PRKCE: variants seen among roughly 807,000 people sequenced by gnomAD.
PRKCE encodes protein kinase C epsilon type.
Under a neutral mutation model 85.4 loss-of-function variants are expected in PRKCE, and 16 were observed. The ratio of observed to expected loss-of-function variants is 0.19; its 90% CI spans 0.13 to 0.28. PRKCE has a LOEUF of 0.28. Among genes scored for constraint, PRKCE ranks in the 10% least tolerant of loss-of-function variants. The pLI, the probability that PRKCE is intolerant of heterozygous loss-of-function variation, is 1.00. For synonymous variants in PRKCE, 388 were observed against 371.5 expected, an observed-to-expected ratio of 1.04 and a Z score of -0.51; for missense variants, 573 against 975.2, an observed-to-expected ratio of 0.59 and a Z score of 5.49.
At chr2:45,919,580 C>A (rs1698098527) in intron 2 of PRKCE, among the ~76,000 whole-genome samples, 1 of 152,158 alleles carries the variant, frequency 6.6e-6, no homozygotes, top group South Asian at 2.1e-4. Flanking sequence ...CTGTTTGGCT[C>A]ACATTTAGAG....
rs61018073 is a variant in PRKCE, at chr2:46,153,734, T to G, written c.1920+2505T>G. On this transcript the variant is annotated intron_variant, in intron 13 of 14. Coordinates refer to ENST00000306156, the MANE Select transcript of PRKCE (RefSeq NM_005400.3). ...GAGTATGCAGGGCTGCTTCTTCTTC[T>G]TCGTCCTCCTCTTCCTCTTCTTCCT... Among the ~76,000 whole-genome samples, 186 of 151,504 alleles carry G rather than the reference T, an allele frequency of 1.2e-3. 2 individuals carry two copies. The highest frequency in any genetic ancestry group is 4.1e-3 in the African/African-American group (171 of 41,262).
At chr2:45,979,922 C>T (rs778072976) in intron 4 of PRKCE, among the ~76,000 whole-genome samples, 4 of 152,110 alleles carry the variant, frequency 2.6e-5, no homozygotes, top group Non-Finnish European at 5.9e-5. Flanking sequence ...TGCATGGTCC[C>T]GAGTGGGGTG....
intron 1 of PRKCE, among the ~76,000 whole-genome samples, chr2:45,699,577 G>C (rs1236922385): frequency 6.6e-6 from 1 of 152,160 alleles, no homozygotes; most frequent in Non-Finnish European, 1.5e-5. Flanking sequence ...TGCTGTGTGG[G>C]TCACTGTAGA....
rs543440813 is a variant in PRKCE at position 46,061,466 on chromosome 2, C to A, written c.1438-24742C>A. Among the ~76,000 whole-genome samples, 3 of 151,784 alleles carry A rather than the reference C, an allele frequency of 2.0e-5. 1 individual carries two copies. Among genetic ancestry groups the A allele is most frequent in the African/African-American group, 7.3e-5 (3 of 41,296 alleles). ...CCTATAATTTAGTTATCGTTGTTTT[C>A]TCTGGGTGAGAGAAGAACCATTTCT... On this transcript the variant is annotated intron_variant, in intron 10 of 14. Transcript: ENST00000306156.
At chr2:46,046,587 A>G (rs1055317456) in intron 10 of PRKCE, among the ~76,000 whole-genome samples, 2 of 152,184 alleles carry the variant, frequency 1.3e-5, no homozygotes, top group Admixed American at 1.3e-4. Flanking sequence ...AGCATGTGGC[A>G]TTTTTCTAAT....
At chr2:46,087,155 A>G (rs1329334849) in intron 11 of PRKCE, among the ~76,000 whole-genome samples, 1 of 101,634 alleles carries the variant, frequency 9.8e-6, no homozygotes, top group African/African-American at 3.1e-5. Context: ...ATTCTATTCT[A>G]TTCTTTTTTT....
intron 2 of PRKCE, among the ~76,000 whole-genome samples, chr2:45,916,953 C>T (rs1272980748): frequency 6.6e-6 from 1 of 152,158 alleles, no homozygotes; most frequent in African/African-American, 2.4e-5. Flanking sequence ...CCCAGTGTTA[C>T]AGCTCATAAA....
chr2:45,730,659 C>T (rs1681492603), intron 1 of PRKCE, among the ~76,000 whole-genome samples: 1 of 146,628 alleles, frequency 6.8e-6, no homozygotes, highest in African/African-American at 2.5e-5. Flanking sequence ...AGGGTTTCAC[C>T]CCATTGGCCA....
intron 6 of PRKCE, among the ~76,000 whole-genome samples, chr2:45,999,439 G>A (rs1241305956): frequency 6.6e-6 from 1 of 151,898 alleles, no homozygotes; most frequent in Non-Finnish European, 1.5e-5. Context: ...GAGGTTGGAT[G>A]TAATTCTTAT....
chr2:45,725,863 A>G (rs2104504288), intron 1 of PRKCE, among the ~76,000 whole-genome samples: 1 of 152,142 alleles, frequency 6.6e-6, no homozygotes, highest in African/African-American at 2.4e-5. Flanking sequence ...CCAACAACAA[A>G]AAAACCCACA....
At chr2:46,116,995 G>T (rs1672838513) in intron 11 of PRKCE, among the ~76,000 whole-genome samples, 2 of 152,222 alleles carry the variant, frequency 1.3e-5, no homozygotes, top group South Asian at 2.1e-4. Flanking sequence ...TTTCACAGAA[G>T]AAGGAACATG....
chr2:45,867,486 G>A (rs532519775), intron 2 of PRKCE, among the ~76,000 whole-genome samples: 84 of 152,316 alleles, frequency 5.5e-4, no homozygotes, highest in African/African-American at 1.9e-3. Context: ...AGGGGTAGAG[G>A]ATCTGAGCTG....
chr2:45,903,880 A>AG (rs1573815928), intron 2 of PRKCE, among the ~76,000 whole-genome samples: 3 of 87,732 alleles, frequency 3.4e-5, no homozygotes, highest in East Asian at 7.2e-4. Flanking sequence ...GTAGCCTGGC[A>AG]GTTTTTTTTT....
chr2:46,150,070 G>A lies in PRKCE; in HGVS notation c.1732-971G>A, dbSNP rs545385954. 4.5e-4 allele frequency among the ~76,000 whole-genome samples: 68 copies of A among 152,050 alleles called. 1 individual carries two copies. The highest frequency in any genetic ancestry group is 1.7e-3 in the Admixed American group (26 of 15,264). ...TTACCATGTTGCCCAGGCTGGTCTC[G>A]AAGTCCTGGACTCAAGTGATCCTCC... On this transcript the variant is annotated intron_variant, in intron 12 of 14. Transcript: ENST00000306156.
intron 1 of PRKCE, among the ~76,000 whole-genome samples, chr2:45,748,042 G>A (rs1217712226): frequency 6.6e-6 from 1 of 151,968 alleles, no homozygotes; most frequent in Non-Finnish European, 1.5e-5. Context: ...TAAGTTATAG[G>A]GGTTCTTTGT....
intron 1 of PRKCE, among the ~76,000 whole-genome samples, chr2:45,751,559 A>G (rs1205066450): frequency 2.6e-5 from 4 of 152,090 alleles, no homozygotes; most frequent in African/African-American, 4.8e-5. Flanking sequence ...CAGGTCAAAA[A>G]AGTCAAGTCT....
intron 7 of PRKCE, among the ~76,000 whole-genome samples, chr2:46,002,792 C>G (rs1704810217): frequency 6.6e-6 from 1 of 152,202 alleles, no homozygotes; most frequent in Non-Finnish European, 1.5e-5. Flanking sequence ...GCAAGCTGAG[C>G]AAACACTCTG....
chr2:45,946,255 G>A (rs148636090), intron 2 of PRKCE, among the ~76,000 whole-genome samples: 136 of 152,306 alleles, frequency 8.9e-4, no homozygotes, highest in African/African-American at 3.1e-3. Flanking sequence ...AGTTATGCCC[G>A]GTCATCTATG....
chr2:46,003,306 A>G (rs1704864592), intron 7 of PRKCE, among the ~76,000 whole-genome samples: 1 of 152,216 alleles, frequency 6.6e-6, no homozygotes, highest in Non-Finnish European at 1.5e-5. Flanking sequence ...CAGGTAGACC[A>G]AGAGTTAGTA....
Sources: gnomAD v4.1 joint callset for allele counts (sites outside exome capture counted in the v4.1 genomes callset) on GRCh38, gnomAD v4.1.1 for gene constraint, MANE v1.5 for transcripts, NCBI Gene and HGNC (gene_info 2026-07-23, HGNC 2026-07-21) for gene names.